The following PRICKLE2 variants were observed in gnomAD, a reference collection of about 807,000 sequenced individuals.
The protein encoded by PRICKLE2 is prickle planar cell polarity protein 2, also known as prickle-like protein 2.
PRICKLE2 carries 21 observed loss-of-function variants against 81.4 expected under a neutral mutation model. That is an observed-to-expected ratio of 0.26 (90% CI 0.18 to 0.37). The LOEUF (loss-of-function observed/expected upper bound fraction) is 0.37, where lower values mean the gene tolerates loss of function less well. PRICKLE2 is among the 10% of genes least tolerant of loss of function. The pLI, the probability that PRICKLE2 is intolerant of heterozygous loss-of-function variation, is 1.00. For synonymous variants in PRICKLE2, 456 were observed against 421.5 expected (o/e 1.08, Z -1.00); for missense variants, 940 against 1,109.0 (o/e 0.85, Z 2.16).
intron 7 of PRICKLE2, among the ~76,000 whole-genome samples, chr3:64,144,269 A>T (rs1258510812): frequency 1.3e-5 from 2 of 152,234 alleles, no homozygotes; most frequent in Non-Finnish European, 2.9e-5. Flanking sequence ...TCCCTGCTCT[A>T]CCACTCTGAA....
At chr3:64,193,139 G>A (rs775039594) in intron 2 of PRICKLE2, among the ~76,000 whole-genome samples, 35 of 152,302 alleles carry the variant, frequency 2.3e-4, no homozygotes, top group Middle Eastern at 3.4e-3. Flanking sequence ...GCAGGCACAT[G>A]TATAAAATGC....
chr3:64,109,492 G>C (rs2076809322), intron 7 of PRICKLE2, among the ~76,000 whole-genome samples: 1 of 152,074 alleles, frequency 6.6e-6, no homozygotes, highest in African/African-American at 2.4e-5. Flanking sequence ...ATCTGCTCTG[G>C]TGCTACCAGG....
At chr3:64,246,853 C>G (rs1483305291) in intron 2 of PRICKLE2, among the ~76,000 whole-genome samples, 1 of 152,068 alleles carries the variant, frequency 6.6e-6, no homozygotes, top group Non-Finnish European at 1.5e-5. Flanking sequence ...TAGAAAGTAC[C>G]CTCATAAAGT....
chr3:64,128,994 T>C (rs921106206), intron 7 of PRICKLE2, among the ~76,000 whole-genome samples: 1 of 152,086 alleles, frequency 6.6e-6, no homozygotes, highest in Non-Finnish European at 1.5e-5. Flanking sequence ...CTGTGCATTG[T>C]GGGATGTTTA....
intron 2 of PRICKLE2, among the ~76,000 whole-genome samples, chr3:64,165,966 GTGT>G (rs2077822815): frequency 0.011 from 1,369 of 121,330 alleles, 18 homozygotes; most frequent in African/African-American, 0.044. Context: ...TTATAAAGGT[GTGT>G]GTGTGTGTGT....
At chr3:64,122,465 C>A (rs2077041913) in intron 7 of PRICKLE2, among the ~76,000 whole-genome samples, 1 of 152,210 alleles carries the variant, frequency 6.6e-6, no homozygotes. Context: ...GCCCAAGAAT[C>A]TGCATTTTCA....
intron 2 of PRICKLE2, among the ~76,000 whole-genome samples, chr3:64,197,367 G>A (rs1289538021): frequency 2.6e-5 from 4 of 152,016 alleles, no homozygotes; most frequent in East Asian, 1.9e-4. Context: ...ACTCATTTAC[G>A]CTCCCACCAA....
At chr3:64,260,497 C>T (rs2079600229) in intron 2 of PRICKLE2, among the ~76,000 whole-genome samples, 1 of 152,158 alleles carries the variant, frequency 6.6e-6, no homozygotes, top group Admixed American at 6.5e-5. Context: ...CTGAAGGGGC[C>T]CCTTTAATTC....
chr3:64,198,125 T>C (rs982750755), intron 2 of PRICKLE2, among the ~76,000 whole-genome samples: 7 of 151,782 alleles, frequency 4.6e-5, no homozygotes, highest in Non-Finnish European at 8.8e-5. Flanking sequence ...GGCAGGAGAA[T>C]GGCGTGAACC....
At chr3:64,193,722 G>T (rs907599384) in intron 2 of PRICKLE2, among the ~76,000 whole-genome samples, 1 of 152,140 alleles carries the variant, frequency 6.6e-6, no homozygotes, top group African/African-American at 2.4e-5. Flanking sequence ...ATTGGGGCAG[G>T]TCTTTCCCAT....
intron 2 of PRICKLE2, among the ~76,000 whole-genome samples, chr3:64,166,168 C>T (rs554412853): frequency 6.6e-6 from 1 of 152,164 alleles, no homozygotes; most frequent in Non-Finnish European, 1.5e-5. Flanking sequence ...TCCTGCAGAT[C>T]TGCTTCTCAC....
At chr3:64,111,318 T>C (rs906295029) in intron 7 of PRICKLE2, among the ~76,000 whole-genome samples, 10 of 152,270 alleles carry the variant, frequency 6.6e-5, no homozygotes, top group Non-Finnish European at 2.9e-5. Flanking sequence ...TGTTGTCATA[T>C]ATGAAATTGC....
At chr3:64,223,741 G>C (rs542156385) in intron 1 of PRICKLE2, among the ~76,000 whole-genome samples, 1 of 152,284 alleles carries the variant, frequency 6.6e-6, no homozygotes, top group Non-Finnish European at 1.5e-5. Context: ...TGTCAAAGTT[G>C]TGACTTACTC....
In PRICKLE2 at chr3:64,221,420, TACACACACAC is replaced by T. The variant is rs71808412; in HGVS notation, c.-41+3480_-41+3489del. Among the ~76,000 whole-genome samples the T allele has an allele frequency of 2.5e-3, 357 of 143,906 alleles. 2 individuals are homozygous for T. The highest frequency in any genetic ancestry group is 6.8e-3 in the African/African-American group (265 of 38,962). The allele number at this position is 143,906 out of a possible 152,430, so 94.4% of individuals were successfully genotyped here. ...GAGATCTTCACCCCTGCTTGATTCA[TACACACACAC>T]ACACACACACACACACACACACACA... On this transcript the variant is annotated intron_variant, in intron 1 of 7. Coordinates refer to ENST00000638394, the MANE Select transcript of PRICKLE2 (RefSeq NM_198859.4).
At chr3:64,107,425 C>A (rs1317463190) in intron 7 of PRICKLE2, among the ~76,000 whole-genome samples, 1 of 152,084 alleles carries the variant, frequency 6.6e-6, no homozygotes, top group Non-Finnish European at 1.5e-5. Flanking sequence ...GCATGCAAGT[C>A]CAGAAAGAAG....
At position 64,225,077 on chromosome 3, in the gene PRICKLE2, C is replaced by T; in HGVS notation, c.-208G>A. The T allele has an allele frequency of 1.0e-6, 1 of 985,438 alleles. No individual in the cohort carries two copies. The highest frequency in any genetic ancestry group is 1.2e-6 in the Non-Finnish European group (1 of 830,014). 61.0% of individuals were successfully genotyped at this position (985,438 alleles called of 1,614,324 possible). On this transcript the variant is annotated 5_prime_UTR_variant, in exon 1 of 8. Coordinates refer to ENST00000638394, the MANE Select transcript of PRICKLE2 (RefSeq NM_198859.4). ...TCAAACCCCCTTTTCAGTCTGAACC[C>T]TTCCTGAAGCTGGCAACAGACTCAA...
At position 64,150,233 on chromosome 3, in the gene PRICKLE2, T is replaced by A. The variant is rs187796110; in HGVS notation, c.788-2531A>T. Among the ~76,000 whole-genome samples the A allele has an allele frequency of 2.8e-3, 420 of 152,208 alleles. 1 individual carries two copies. The highest frequency in any genetic ancestry group is 9.7e-3 in the African/African-American group (405 of 41,544). ...AGCTCCATCCCACAGCAGCTGGTTGTAAAGATGCTGACGGCCATCTGCTTG... is the reference window on the plus strand; with the variant it reads ...AGCTCCATCCCACAGCAGCTGGTTGAAAAGATGCTGACGGCCATCTGCTTG... On this transcript the variant is annotated intron_variant, in intron 6 of 7. Coordinates refer to ENST00000638394, the MANE Select transcript of PRICKLE2 (RefSeq NM_198859.4).
At position 64,246,911 on chromosome 3, in the gene PRICKLE2, C is replaced by T. The variant is rs191356405; in HGVS notation, c.129-47944G>A. ...CTGCCTTCTAATACACTGAGGAATC[C>T]CAGAGGAGGGGCACGATGTAGCCAC... On this transcript the variant is annotated intron_variant, in intron 2 of 8. Transcript: ENST00000295902. Among the ~76,000 whole-genome samples, 144 of 152,266 alleles carry T rather than the reference C, an allele frequency of 9.5e-4. 1 individual carries two copies. The highest frequency in any genetic ancestry group is 3.2e-3 in the African/African-American group (135 of 41,542).
At chr3:64,178,975 CTTTCTTTCTT>C in intron 2 of PRICKLE2, among the ~76,000 whole-genome samples, 1 of 84,554 alleles carries the variant, frequency 1.2e-5, no homozygotes, top group African/African-American at 5.0e-5. Flanking sequence ...TTCTTTCTTT[CTTTCTTTCTT>C]TCTTTCTTTC....
Sources: gnomAD v4.1 joint callset for allele counts (sites outside exome capture counted in the v4.1 genomes callset) on GRCh38, gnomAD v4.1.1 for gene constraint, MANE v1.5 for transcripts, NCBI Gene and HGNC (gene_info 2026-07-23, HGNC 2026-07-21) for gene names.